PIK3C2B: variants seen among roughly 807,000 people sequenced by gnomAD.
PIK3C2B encodes the protein phosphatidylinositol 4-phosphate 3-kinase C2 domain-containing subunit beta.
Under a neutral mutation model 184.3 loss-of-function variants are expected in PIK3C2B, and 83 were observed. The ratio of observed to expected loss-of-function variants is 0.45; its 90% CI spans 0.38 to 0.54. PIK3C2B has a LOEUF of 0.54. Among genes scored for constraint, PIK3C2B ranks in the 20% least tolerant of loss-of-function variants. The probability of loss-of-function intolerance (pLI) is 0.00; values close to 1 mark genes in which losing one functional copy is unlikely to be tolerated. For missense variants in PIK3C2B, 1,736 were observed against 2,113.5 expected, an observed-to-expected ratio of 0.82 and a Z score of 3.50; for synonymous variants, 779 against 837.6, an observed-to-expected ratio of 0.93 and a Z score of 1.21.
At chr1:204,426,632 G>A (rs542931135) in intron 31 of PIK3C2B, among the ~76,000 whole-genome samples, 15 of 152,184 alleles carry the variant, frequency 9.9e-5, no homozygotes, top group East Asian at 5.8e-4. Flanking sequence ...CCTGTGTGCC[G>A]TTCCCAACTA....
At chr1:204,430,200 C>T (rs1387395558) in intron 28 of PIK3C2B, among the ~76,000 whole-genome samples, 162 bp from the exon 29 acceptor site, 1 of 152,188 alleles carries the variant, frequency 6.6e-6, no homozygotes, top group Non-Finnish European at 1.5e-5. Flanking sequence ...TCCTGTGCTG[C>T]ACATCTGTGC....
At chr1:204,432,767 C>T (rs181383621) in intron 26 of PIK3C2B, among the ~76,000 whole-genome samples, 6 of 152,222 alleles carry the variant, frequency 3.9e-5, no homozygotes, top group East Asian at 3.9e-4. Context: ...TTCAATTCAG[C>T]GGGAGAGGTC....
intron 12 of PIK3C2B, among the ~76,000 whole-genome samples, chr1:204,452,121 C>T (rs546077479): frequency 5.9e-5 from 9 of 152,196 alleles, no homozygotes; most frequent in South Asian, 4.1e-4. Context: ...CTTCACAAGG[C>T]GCTAGGCAGG....
At position 204,433,453 on chromosome 1, in the gene PIK3C2B, G is replaced by A; in HGVS notation, c.3844-28C>T. 1.5e-6 allele frequency: 2 copies of A among 1,364,440 alleles called. No homozygotes were observed. Among genetic ancestry groups the A allele is most frequent in the South Asian group, 1.2e-5 (1 of 85,894 alleles). The allele number at this position is 1,364,440 out of a possible 1,614,324, so 84.5% of individuals were successfully genotyped here. Reference sequence around the variant, plus strand: ...AGAAGGAGCAGAAAGAAGAAGAGAGGGTGCCTGTAACAACAGAGAATTCTT... The same window carrying A: ...AGAAGGAGCAGAAAGAAGAAGAGAGAGTGCCTGTAACAACAGAGAATTCTT... On this transcript the variant is annotated intron_variant, in intron 25 of 32. Transcript: ENST00000684373. This position sits in a 1 kb window ranked among gnomAD's most constrained non-coding sequence, Gnocchi z 5.0.
chr1:204,485,058 T>A (rs1572403514), intron 1 of PIK3C2B, among the ~76,000 whole-genome samples: 1 of 150,964 alleles, frequency 6.6e-6, no homozygotes, highest in African/African-American at 2.4e-5. Context: ...TTTTTTTTTT[T>A]AATTTTAAGA....
chr1:204,448,510 C>T (rs903331780), intron 14 of PIK3C2B, among the ~76,000 whole-genome samples: 5 of 151,956 alleles, frequency 3.3e-5, no homozygotes, highest in South Asian at 2.1e-4. Flanking sequence ...TGGTGGTGTG[C>T]GCCTGTAGTC....
chr1:204,469,267 G>A lies in PIK3C2B; in HGVS notation c.536C>T (p.Ser179Leu), dbSNP rs201217401. The A allele has an allele frequency of 1.1e-4, 167 of 1,561,936 alleles. No homozygotes were observed. Among genetic ancestry groups the A allele is most frequent in the Admixed American group, 8.5e-4 (46 of 54,348 alleles). ...ACTGGGCTGGGAGATCTTGGAGGAT[G>A]AGGGGGACCCCTTTCTGGGAGGCAG... ...PPLPPRKGSP[S>L]SSKISQPSDI... is the part of the protein sequence containing the mutation. Residue 179 changes from serine to leucine, a missense_variant, in exon 2 of 33, where the codon TCA (serine) becomes TTA (leucine). Ser to Leu is a moderately radical substitution (Grantham distance 145, BLOSUM62 -2). This residue lies in a region of PIK3C2B where 404 missense variants were observed against 418.0 expected (regional missense o/e 0.97). Coordinates refer to ENST00000684373, the MANE Select transcript of PIK3C2B (RefSeq NM_001377334.1).
At chr1:204,461,469 G>A (rs1655330568) in intron 5 of PIK3C2B, among the ~76,000 whole-genome samples, 1 of 152,186 alleles carries the variant, frequency 6.6e-6, no homozygotes, top group Non-Finnish European at 1.5e-5. Flanking sequence ...CCTGGCCTCA[G>A]CAGCTGGGTA....
intron 1 of PIK3C2B, among the ~76,000 whole-genome samples, chr1:204,477,105 T>C (rs1656768565): frequency 6.6e-6 from 1 of 152,176 alleles, no homozygotes; most frequent in Admixed American, 6.5e-5. Context: ...TAAAACACAA[T>C]GCCATGAGCA....
At chr1:204,431,065 T>C (rs758842066) in intron 28 of PIK3C2B, among the ~76,000 whole-genome samples, 8 of 152,282 alleles carry the variant, frequency 5.3e-5, no homozygotes, top group Non-Finnish European at 8.8e-5. Flanking sequence ...CACACTGTCA[T>C]GCAACCATCG....
intron 31 of PIK3C2B, 80 bp downstream of exon 31, chr1:204,427,568 G>T: frequency 1.1e-6 from 1 of 871,706 alleles, no homozygotes; most frequent in Non-Finnish European, 1.9e-6. Context: ...CATATGACAC[G>T]CGGCAGAGAA....
Position 204,475,971 on chromosome 1 carries a change from G to A in PIK3C2B, c.-84-6085C>T, listed in dbSNP as rs556000127. Among the ~76,000 whole-genome samples, 129 of 152,276 alleles carry A rather than the reference G, an allele frequency of 8.5e-4. 1 individual carries two copies. The South Asian group carries it at 0.026, about 31-fold the overall frequency. Reference sequence around the variant, plus strand: ...AGCACTCAGCTCACTATGATGCTGAGAGGTGGCAGTGAGGAAATGGGACAA... The same window carrying A: ...AGCACTCAGCTCACTATGATGCTGAAAGGTGGCAGTGAGGAAATGGGACAA... On this transcript the variant is annotated intron_variant, in intron 1 of 32. Coordinates refer to ENST00000684373, the MANE Select transcript of PIK3C2B (RefSeq NM_001377334.1).
intron 10 of PIK3C2B, among the ~76,000 whole-genome samples, 154 bp downstream of exon 10, chr1:204,456,883 C>CACAT (rs1294583980): frequency 1.4e-5 from 1 of 69,456 alleles, no homozygotes; most frequent in African/African-American, 3.9e-5. Context: ...AACACACACA[C>CACAT]ACACACACAC....
chr1:204,460,386 G>A lies in PIK3C2B; in HGVS notation c.1440C>T (p.Ser480=), dbSNP rs1397885400. The change falls in exon 7 of 33, where the codon AGC becomes AGT. Residue 480 remains serine, a synonymous_variant. Transcript: ENST00000684373. ...DLARTVNDDQ[S]PSTLNYLVHL... ...GGACGAGGTAGTTCAAGGTGGAGGG[G>A]CTCTGGTCATCATTCACCTGTATAA... The A allele has an allele frequency of 3.1e-6, 5 of 1,613,684 alleles. No individual in the cohort carries two copies. The East Asian group carries it at 1.1e-4, about 36-fold the overall frequency.
At chr1:204,486,214 G>A (rs758132562) in intron 1 of PIK3C2B, among the ~76,000 whole-genome samples, 5 of 151,884 alleles carry the variant, frequency 3.3e-5, no homozygotes, top group African/African-American at 7.3e-5. Context: ...TGGCTAACAT[G>A]GTGAAACCCT....
chr1:204,442,828 C>T (rs995754331), intron 19 of PIK3C2B, among the ~76,000 whole-genome samples, 195 bp from the exon 20 acceptor site: 2 of 152,222 alleles, frequency 1.3e-5, no homozygotes, highest in African/African-American at 4.8e-5. Flanking sequence ...AACAGCAAGA[C>T]CAAATAGCTC....
chr1:204,450,019 TA>T lies in PIK3C2B; in HGVS notation c.2067-3del. The T allele has an allele frequency of 6.4e-7, 1 of 1,553,288 alleles. No individual in the cohort carries two copies. Among genetic ancestry groups the T allele is most frequent in the Non-Finnish European group, 8.7e-7 (1 of 1,147,552 alleles). On this transcript the variant is annotated splice_polypyrimidine_tract_variant and splice_region_variant and intron_variant, in intron 12 of 32. Coordinates refer to ENST00000684373, the MANE Select transcript of PIK3C2B (RefSeq NM_001377334.1). ...TTCACCTGCACTGGGAAGCAGATCCTATGGAGGACAGGAAGTCAAATTAGGA... is the reference window on the plus strand; with the variant it reads ...TTCACCTGCACTGGGAAGCAGATCCTTGGAGGACAGGAAGTCAAATTAGGA...
chr1:204,477,808 T>TGCCAG (rs1413235543), intron 1 of PIK3C2B, among the ~76,000 whole-genome samples: 3 of 152,168 alleles, frequency 2.0e-5, no homozygotes, highest in Non-Finnish European at 4.4e-5. Flanking sequence ...ACCAGCTACA[T>TGCCAG]GCCAGGCCAG....
rs1280319415 is a variant in PIK3C2B at position 204,433,926 on chromosome 1, G to A, written c.3710C>T (p.Thr1237Ile). The change falls in exon 25 of 33, where the codon ACC (threonine) becomes ATC (isoleucine). Residue 1237 changes from threonine to isoleucine, a missense_variant. Thr to Ile is a moderately conservative substitution (Grantham distance 89, BLOSUM62 -1). Around this residue, in one of 8 missense-constraint regions of PIK3C2B, gnomAD observed 119 missense variants for 179.3 expected, o/e 0.66. Transcript: ENST00000684373. This position sits in a 1 kb window ranked among gnomAD's most constrained non-coding sequence, Gnocchi z 5.0. ...IKRDRAPFVF[T>I]SDMAYVINGG... is the part of the protein sequence containing the mutation. Reference sequence around the variant, plus strand: ...GTTGATGACATACGCCATGTCCGAGGTGAAGACAAAGGGGGCACGGTCCCT... The same window carrying A: ...GTTGATGACATACGCCATGTCCGAGATGAAGACAAAGGGGGCACGGTCCCT... 2 of 1,614,076 alleles carry A rather than the reference G, an allele frequency of 1.2e-6. No individual in the cohort carries two copies. Among genetic ancestry groups the A allele is most frequent in the Non-Finnish European group, 1.7e-6 (2 of 1,179,984 alleles).
Sources: gnomAD v4.1 joint callset for allele counts (sites outside exome capture counted in the v4.1 genomes callset) on GRCh38, gnomAD v4.1.1 for gene constraint, gnomAD v4.1.1 regional missense constraint, Gnocchi (gnomAD v3.1) non-coding constraint, MANE v1.5 for transcripts, NCBI Gene and HGNC (gene_info 2026-07-23, HGNC 2026-07-21) for gene names.